Variants in PGM5 observed in about 807,000 individuals in gnomAD.
PGM5 encodes phosphoglucomutase 5.
Under a neutral mutation model 59.2 loss-of-function variants are expected in PGM5, and 23 were observed. That is an observed-to-expected ratio of 0.39 (90% CI 0.28 to 0.55). The LOEUF is 0.55. Among genes scored for constraint, PGM5 ranks in the 20% least tolerant of loss-of-function variants. The pLI, the probability that PGM5 is intolerant of heterozygous loss-of-function variation, is 0.66. For synonymous variants in PGM5, 214 were observed against 286.0 expected (o/e 0.75, Z 2.54); for missense variants, 574 against 748.3 (o/e 0.77, Z 2.72).
intron 10 of PGM5, among the ~76,000 whole-genome samples, chr9:68,518,003 G>A (rs566184123): frequency 2.0e-5 from 3 of 152,336 alleles, no homozygotes; most frequent in Non-Finnish European, 4.4e-5. Context: ...AAAGGTGACC[G>A]GCATCAGGTC....
At chr9:68,376,833 CTCTTTCTTTCTTTCTTTCTCTT>C (rs1821919229) in intron 1 of PGM5, among the ~76,000 whole-genome samples, 1 of 77,914 alleles carries the variant, frequency 1.3e-5, no homozygotes, top group African/African-American at 5.4e-5. Context: ...TTCTTTCTTT[CTCTTTCTTTCTTTCTTTCTCTT>C]TCTTTCTTTT....
intron 10 of PGM5, among the ~76,000 whole-genome samples, chr9:68,523,336 A>G (rs918462401): frequency 6.6e-6 from 1 of 152,182 alleles, no homozygotes; most frequent in Non-Finnish European, 1.5e-5. Context: ...AGCTGTTGGA[A>G]ATGTCAGTTC....
At chr9:68,499,122 T>C in intron 9 of PGM5, 105 bp from the exon 10 acceptor site, 4 of 1,198,408 alleles carry the variant, frequency 3.3e-6, no homozygotes, top group Non-Finnish European at 3.6e-6. Context: ...TTGATTCTGA[T>C]TGTGTTGAGG....
At chr9:68,359,853 A>AT (rs1299163525) in intron 1 of PGM5, among the ~76,000 whole-genome samples, 107 of 152,126 alleles carry the variant, frequency 7.0e-4, no homozygotes, top group Middle Eastern at 3.4e-3. Flanking sequence ...ATTAAATTTC[A>AT]TTTTTTTTGA....
At chr9:68,502,890 T>C (rs1554688757) in intron 10 of PGM5, among the ~76,000 whole-genome samples, 1 of 152,128 alleles carries the variant, frequency 6.6e-6, no homozygotes, top group East Asian at 1.9e-4. Flanking sequence ...GGTTTTACCA[T>C]GTTGGCCAGG....
At chr9:68,506,528 G>A (rs1437823344) in intron 10 of PGM5, among the ~76,000 whole-genome samples, 4 of 152,102 alleles carry the variant, frequency 2.6e-5, no homozygotes, top group South Asian at 2.1e-4. Context: ...AGTGAATAGC[G>A]TCTTAAAAAC....
At chr9:68,366,983 G>A (rs767340356) in intron 1 of PGM5, among the ~76,000 whole-genome samples, 1 of 152,144 alleles carries the variant, frequency 6.6e-6, no homozygotes, top group Non-Finnish European at 1.5e-5. Context: ...TTGCTTTGGT[G>A]CAGCTTCCTC....
chr9:68,385,483 T>C (rs1389038346), intron 3 of PGM5, among the ~76,000 whole-genome samples: 3 of 152,102 alleles, frequency 2.0e-5, no homozygotes, highest in Non-Finnish European at 4.4e-5. Flanking sequence ...TGCCCAATGT[T>C]ACCAAATCTT....
intron 9 of PGM5, chr9:68,498,630 A>C (rs1295580633): frequency 2.0e-5 from 3 of 152,466 alleles, no homozygotes; most frequent in African/African-American, 7.2e-5. Flanking sequence ...ACCTCCTAAA[A>C]TAATTGAGAC....
intron 7 of PGM5, among the ~76,000 whole-genome samples, chr9:68,477,660 G>A (rs547407083): frequency 6.6e-6 from 1 of 152,320 alleles, no homozygotes; most frequent in South Asian, 2.1e-4. Flanking sequence ...CTGAAAGCAG[G>A]TATTGAGGAA....
intron 10 of PGM5, among the ~76,000 whole-genome samples, chr9:68,501,667 G>C (rs1824576934): frequency 6.6e-6 from 1 of 152,194 alleles, no homozygotes; most frequent in South Asian, 2.1e-4. Context: ...TCTCTAATCT[G>C]CAGAGATTCC....
At chr9:68,511,621 G>C (rs1326540545) in intron 10 of PGM5, among the ~76,000 whole-genome samples, 3 of 119,354 alleles carry the variant, frequency 2.5e-5, no homozygotes, top group Non-Finnish European at 4.8e-5. Context: ...TGCAATCTCA[G>C]CTCACTGCAA....
intron 7 of PGM5, chr9:68,466,146 T>G (rs1554685791): frequency 7.7e-7 from 1 of 1,300,262 alleles, no homozygotes; most frequent in South Asian, 1.2e-5. Flanking sequence ...TCCCCTTTTT[T>G]CTTCTTGTGT....
intron 7 of PGM5, among the ~76,000 whole-genome samples, chr9:68,478,670 C>T (rs998535587): frequency 1.3e-5 from 2 of 152,188 alleles, no homozygotes; most frequent in African/African-American, 4.8e-5. Context: ...GGCGGCACAA[C>T]TGTAATCTCT....
intron 6 of PGM5, among the ~76,000 whole-genome samples, chr9:68,447,611 G>GTTATTA (rs782417036): frequency 6.6e-6 from 1 of 151,976 alleles, no homozygotes; most frequent in Non-Finnish European, 1.5e-5. Context: ...AATGTTAGCT[G>GTTATTA]TTATTATTAT....
chr9:68,465,294 A>C, intron 7 of PGM5, 86 bp downstream of exon 7: 1 of 904,360 alleles, frequency 1.1e-6, no homozygotes, highest in South Asian at 1.4e-5. Flanking sequence ...CTTTCTGTGA[A>C]TTACAGAGGA....
At chr9:68,373,482 A>G (rs1468929396) in intron 1 of PGM5, among the ~76,000 whole-genome samples, 1 of 152,250 alleles carries the variant, frequency 6.6e-6, no homozygotes, top group Admixed American at 6.5e-5. Context: ...AAAATAACTG[A>G]AATTTAATAA....
At chr9:68,403,758 A>G (rs1414546459) in intron 6 of PGM5, among the ~76,000 whole-genome samples, 2 of 151,890 alleles carry the variant, frequency 1.3e-5, no homozygotes, top group African/African-American at 2.4e-5. Flanking sequence ...AGTGAAAGTC[A>G]TTCGTGTGGG....
chr9:68,504,663 C>T (rs1467360817), intron 10 of PGM5, among the ~76,000 whole-genome samples: 8 of 152,100 alleles, frequency 5.3e-5, no homozygotes, highest in Non-Finnish European at 8.8e-5. Context: ...GTACTTCTTA[C>T]TTCCCTACCC....
Sources: gnomAD v4.1 joint callset for allele counts (sites outside exome capture counted in the v4.1 genomes callset) on GRCh38, gnomAD v4.1.1 for gene constraint, MANE v1.5 for transcripts, NCBI Gene and HGNC (gene_info 2026-07-23, HGNC 2026-07-21) for gene names.